The following ABCA9 variants were observed in gnomAD, a reference collection of about 807,000 sequenced individuals.
ABCA9 encodes the protein ATP binding cassette subfamily A member 9, also known as ATP-binding cassette sub-family A member 9.
Under a neutral mutation model 205.3 loss-of-function variants are expected in ABCA9, and 183 were observed. The ratio of observed to expected loss-of-function variants is 0.89; its 90% confidence interval spans 0.79 to 1.01. ABCA9 has a LOEUF of 1.01. ABCA9 is among the 50% of genes least tolerant of loss of function. The probability of loss-of-function intolerance (pLI) is 0.00; values close to 1 mark genes in which losing one functional copy is unlikely to be tolerated. For missense variants in ABCA9, 1,805 were observed against 1,912.4 expected (o/e 0.94, Z 1.05); for synonymous variants, 651 against 683.3 (o/e 0.95, Z 0.74).
At chr17:69,008,383 C>A in intron 23 of ABCA9, 148 bp from the exon 24 acceptor site, 4 of 702,726 alleles carry the variant, frequency 5.7e-6, no homozygotes, top group Non-Finnish European at 4.9e-6. Flanking sequence ...ACTCGCCACA[C>A]CCTTGTTCAG....
intron 12 of ABCA9, 107 bp downstream of exon 12, chr17:69,028,428 G>C: frequency 1.6e-6 from 1 of 642,806 alleles, no homozygotes; most frequent in Non-Finnish European, 2.5e-6. Context: ...GCTTCCCAAA[G>C]TGCTGGGATT....
chr17:69,014,749 CT>C (rs2070519509), intron 22 of ABCA9, among the ~76,000 whole-genome samples: 1 of 152,154 alleles, frequency 6.6e-6, no homozygotes, highest in Non-Finnish European at 1.5e-5. Flanking sequence ...TCTCATAGCT[CT>C]TTCTGAGGAA....
intron 11 of ABCA9, 42 bp from the exon 12 acceptor site, chr17:69,028,687 T>TTAAC (rs2071071415): frequency 8.0e-7 from 1 of 1,255,146 alleles, no homozygotes; most frequent in African/African-American, 1.5e-5. Flanking sequence ...AGCCTACATA[T>TTAAC]TAACTTTACA....
Position 68,984,924 on chromosome 17 carries a change from G to T in ABCA9, c.4340C>A (p.Pro1447Gln). ...GNPSVVLLDE[P>Q]STGMDPEGQQ... Reference sequence around the variant, plus strand: ...CCCCTCGGGGTCCATCCCGGTCGACGGCTCATCCAGAAGCACCACTGACGG... The same window carrying T: ...CCCCTCGGGGTCCATCCCGGTCGACTGCTCATCCAGAAGCACCACTGACGG... The change falls in exon 34 of 39, where the codon CCG (proline) becomes CAG (glutamine). Residue 1447 changes from proline to glutamine, a missense_variant. Coordinates refer to ENST00000340001, the MANE Select transcript of ABCA9 (RefSeq NM_080283.4). The T allele has an allele frequency of 6.2e-7, 1 of 1,614,052 alleles. No individual in the cohort carries two copies. The highest frequency in any genetic ancestry group is 1.1e-5 in the South Asian group (1 of 91,066).
chr17:69,059,443 T>G (rs2144550469), intron 1 of ABCA9, among the ~76,000 whole-genome samples: 1 of 152,066 alleles, frequency 6.6e-6, no homozygotes, highest in Middle Eastern at 3.4e-3. Flanking sequence ...TTCATTCTGC[T>G]GCTACGGCTT....
At chr17:68,977,964 G>A (rs1211607665) in intron 37 of ABCA9, among the ~76,000 whole-genome samples, 1 of 152,180 alleles carries the variant, frequency 6.6e-6, no homozygotes, top group Non-Finnish European at 1.5e-5. Flanking sequence ...GGGGTGGAGA[G>A]TTCTGTAGAT....
In ABCA9 at chr17:69,021,784, C is replaced by A. The variant is rs201495945; in HGVS notation, c.2359G>T (p.Val787Leu). 5.0e-6 allele frequency: 8 copies of A among 1,595,054 alleles called. 1 individual carries two copies. In the African/African-American group the frequency reaches 1.1e-4, roughly 21 times the overall value. ...YGVSITTLNEVFLKLEGKSTI... is the reference protein window; with the variant it reads ...YGVSITTLNELFLKLEGKSTI... ...GATTTTCCTTCTAATTTCAGAAACA[C>A]CTCATTCAAAGTTGTTATGGAAACA... The change falls in exon 18 of 39, where the codon GTG becomes TTG. Residue 787 changes from valine to leucine, a missense_variant. Physicochemically the swap from Val to Leu is conservative, Grantham distance 32 (BLOSUM62 1). Coordinates refer to ENST00000340001, the MANE Select transcript of ABCA9 (RefSeq NM_080283.4).
the ABCA9 span, among the ~76,000 whole-genome samples, chr17:69,077,966 G>A: frequency 1.4e-4 from 22 of 151,818 alleles, no homozygotes; most frequent in Non-Finnish European, 1.5e-5. Flanking sequence ...AGGGAGAAAT[G>A]ATTTTAAAAA....
intron 20 of ABCA9, 180 bp from the exon 21 acceptor site, chr17:69,017,969 G>A (rs902070895): frequency 1.4e-5 from 8 of 582,124 alleles, no homozygotes; most frequent in Admixed American, 3.4e-5. Flanking sequence ...GGTATGACAA[G>A]GTTACTTTAT....
intron 6 of ABCA9, among the ~76,000 whole-genome samples, chr17:69,041,577 G>A (rs2071538539): frequency 6.6e-6 from 1 of 152,078 alleles, no homozygotes; most frequent in Non-Finnish European, 1.5e-5. Context: ...GGTGGCACTC[G>A]CCTGTAGTCA....
chr17:69,018,590 GA>G lies in ABCA9; in HGVS notation c.2601-12del. On this transcript the variant is annotated splice_polypyrimidine_tract_variant and intron_variant, in intron 19 of 38. Transcript: ENST00000340001. Reference sequence around the variant, plus strand: ...CCAAAAAGCAATAATCTATGCAGAGGAAAATGTAAAAGAAAAAAATAATTTT... The same window carrying G: ...CCAAAAAGCAATAATCTATGCAGAGGAAATGTAAAAGAAAAAAATAATTTT... 1.9e-6 allele frequency: 3 copies of G among 1,542,086 alleles called. No individual in the cohort carries two copies. The highest frequency in any genetic ancestry group is 2.6e-6 in the Non-Finnish European group (3 of 1,153,480).
At chr17:68,997,061 G>T (rs2069647935) in intron 25 of ABCA9, among the ~76,000 whole-genome samples, 1 of 152,192 alleles carries the variant, frequency 6.6e-6, no homozygotes, top group South Asian at 2.1e-4. Context: ...CTCCCAAGTA[G>T]CTGGGATTAC....
At chr17:69,078,884 A>T in the ABCA9 span, 2 of 737,278 alleles carry the variant, frequency 2.7e-6, no homozygotes, top group Non-Finnish European at 4.1e-6. Context: ...TGTTAATTTT[A>T]AATGATCTTT....
At chr17:69,017,976 T>A in intron 20 of ABCA9, 187 bp from the exon 21 acceptor site, 1 of 569,828 alleles carries the variant, frequency 1.8e-6, no homozygotes, top group East Asian at 2.9e-5. Context: ...CAAGGTTACT[T>A]TATCTAGAGC....
intron 4 of ABCA9, 48 bp downstream of exon 4, chr17:69,045,124 G>T (rs1465946983): frequency 2.0e-6 from 3 of 1,536,214 alleles, no homozygotes; most frequent in East Asian, 2.3e-5. Flanking sequence ...CCCCTTTGTG[G>T]CTACTGATAC....
chr17:69,056,556 C>T (rs1353778823), intron 1 of ABCA9, among the ~76,000 whole-genome samples: 1 of 152,110 alleles, frequency 6.6e-6, no homozygotes, highest in East Asian at 1.9e-4. Context: ...GGTGGTTCCC[C>T]AGTGAATGGG....
the ABCA9 span, among the ~76,000 whole-genome samples, chr17:69,067,309 G>A: frequency 6.6e-6 from 1 of 151,974 alleles, no homozygotes; most frequent in Non-Finnish European, 1.5e-5. Context: ...TACTTTGCGA[G>A]GCCAAGGTGG....
chr17:69,002,738 T>A (rs1368625480), intron 25 of ABCA9, among the ~76,000 whole-genome samples: 4 of 144,164 alleles, frequency 2.8e-5, no homozygotes, highest in African/African-American at 2.6e-5. Flanking sequence ...CCCATTATTA[T>A]TGTGTGGGAG....
Position 68,975,920 on chromosome 17 carries a change from G to T in ABCA9, c.4870C>A (p.Pro1624Thr). The T allele has an allele frequency of 3.1e-6, 5 of 1,610,228 alleles. No homozygotes were observed. The highest frequency in any genetic ancestry group is 4.2e-6 in the Non-Finnish European group (5 of 1,177,508). ...VKWKLLLQEE[P>T] is the part of the protein sequence containing the mutation. ...GATATAGGGTATTTGGAGCTTTAAG[G>T]CTCTTCCTGCAGGAGGAGTTTCCAC... Residue 1624 changes from proline (P) to threonine (T), a missense_variant, in exon 39 of 39, where the codon CCT becomes ACT. Transcript: ENST00000340001.
Sources: gnomAD v4.1 joint callset for allele counts (sites outside exome capture counted in the v4.1 genomes callset) on GRCh38, gnomAD v4.1.1 for gene constraint, MANE v1.5 for transcripts, NCBI Gene and HGNC (gene_info 2026-07-23, HGNC 2026-07-21) for gene names.